The following WNT4 variants were observed in gnomAD, a reference collection of about 807,000 sequenced individuals.
WNT4 encodes protein Wnt-4.
Under a neutral mutation model 34.5 loss-of-function variants are expected in WNT4, and 16 were observed. The ratio of observed to expected loss-of-function variants is 0.46; its 90% CI spans 0.31 to 0.70. The LOEUF (loss-of-function observed/expected upper bound fraction) is 0.70. WNT4 is among the 30% of genes least tolerant of loss of function. WNT4 has a pLI of 0.04. For missense variants in WNT4, 379 were observed against 495.9 expected, an observed-to-expected ratio of 0.76 and a Z score of 2.24; for synonymous variants, 200 against 211.9, an observed-to-expected ratio of 0.94 and a Z score of 0.49.
chr1:22,140,719 G>A lies in WNT4; in HGVS notation c.77+2127C>T, dbSNP rs1282037051. ...CTCTGGTTTGGGAGGGTCCTGGGAA[G>A]CCTCTTGTTCCTCTTGCCTTGGGTG... On this transcript the variant is annotated intron_variant, in intron 1 of 4. Transcript: ENST00000290167. The surrounding 1 kb of genome is among the most constrained non-coding windows in gnomAD (Gnocchi z 5.9). Among the ~76,000 whole-genome samples, 1 of 152,220 alleles carries A rather than the reference G, an allele frequency of 6.6e-6. No individual in the cohort carries two copies. The highest frequency in any genetic ancestry group is 1.9e-4 in the East Asian group (1 of 5,202).
intron 2 of WNT4, among the ~76,000 whole-genome samples, chr1:22,128,809 T>A (rs1030653206): frequency 5.3e-5 from 8 of 151,954 alleles, no homozygotes; most frequent in African/African-American, 1.9e-4. Context: ...AAGCTCCGCC[T>A]CCTGGGTTCA....
intron 1 of WNT4, among the ~76,000 whole-genome samples, chr1:22,132,821 C>T (rs114569101): frequency 1.0e-3 from 152 of 152,230 alleles, no homozygotes; most frequent in African/African-American, 3.0e-3. Context: ...TGTCCCCTTC[C>T]GTACACACGA....
In WNT4 at chr1:22,142,938, G is replaced by A. The variant is rs1356413696; in HGVS notation, c.-16C>T. The A allele has an allele frequency of 4.5e-6, 5 of 1,115,896 alleles. No homozygotes were observed. Among genetic ancestry groups the A allele is most frequent in the East Asian group, 1.0e-4 (1 of 9,824 alleles). The allele number at this position is 1,115,896 out of a possible 1,614,324, so 69.1% of individuals were successfully genotyped here. A position where few individuals can be genotyped will look rare whatever the true frequency, so the allele number is the denominator to read the frequency against. On this transcript the variant is annotated 5_prime_UTR_variant, in exon 1 of 5. Transcript: ENST00000290167. This position sits in a 1 kb window ranked among gnomAD's most constrained non-coding sequence, Gnocchi z 6.0. ...GGGGACTCATGGTGCCGCCGCGGGC[G>A]CCCGGCCCGGGGCAGCGGCTGCGGC...
chr1:22,129,710 C>T lies in WNT4; in HGVS notation c.219G>A (p.Leu73=). 6.2e-7 allele frequency: 1 copy of T among 1,613,964 alleles called. No individual in the cohort carries two copies. Among genetic ancestry groups the T allele is most frequent in the South Asian group, 1.1e-5 (1 of 91,078 alleles). Residue 73 remains leucine, a synonymous_variant, in exon 2 of 5, where the codon CTG becomes CTA. Transcript: ENST00000290167. The part of the protein sequence containing the change: ...VMDSVRRGAQ[L]AIEECQYQFR... The stretch of plus-strand genomic sequence containing the variant: ...ACTGGTACTGGCACTCCTCAATGGC[C>T]AGCTGGGCACCGCGGCGCACCGAGT...
In WNT4 at chr1:22,121,321, C is replaced by T. The variant is rs1645896316; in HGVS notation, c.478G>A (p.Ala160Thr). Residue 160 changes from alanine (A) to threonine (T), a missense_variant, in exon 4 of 5, where the codon GCC becomes ACC. By Grantham distance (58) the Ala-to-Thr change is moderately conservative. Transcript: ENST00000290167. ...FQWSGCSDNI[A>T]YGVAFSQSFV... ...GACTGTGAGAAGGCCACACCGTAGGCGATGTTGTCAGAGCATCCTGACCAC... is the reference window on the plus strand; with the variant it reads ...GACTGTGAGAAGGCCACACCGTAGGTGATGTTGTCAGAGCATCCTGACCAC... 1.9e-6 allele frequency: 3 copies of T among 1,614,174 alleles called. No homozygotes were observed. The highest frequency in any genetic ancestry group is 1.7e-6 in the Non-Finnish European group (2 of 1,180,024).
At position 22,121,548 on chromosome 1, in the gene WNT4, G is replaced by T; in HGVS notation, c.342C>A (p.Ala114=). Residue 114 remains alanine, a synonymous_variant, in exon 3 of 5, where the codon GCC becomes GCA. Transcript: ENST00000290167. ...CAAAGGCCACACCTGCCGAAGAGATGGCGTACACGAAGGCCGCCTCCCGAG... is the reference window on the plus strand; with the variant it reads ...CAAAGGCCACACCTGCCGAAGAGATTGCGTACACGAAGGCCGCCTCCCGAG... The part of the protein sequence containing the change: ...QGTREAAFVY[A]ISSAGVAFAV... 1 of 1,613,820 alleles carries T rather than the reference G, an allele frequency of 6.2e-7. No homozygotes were observed. The highest frequency in any genetic ancestry group is 2.2e-5 in the East Asian group (1 of 44,870).
chr1:22,129,334 A>G (rs1386982900), intron 2 of WNT4, among the ~76,000 whole-genome samples: 1 of 152,202 alleles, frequency 6.6e-6, no homozygotes, highest in Non-Finnish European at 1.5e-5. Flanking sequence ...CGCTTCCAGG[A>G]GGCCAGCAGT....
chr1:22,127,327 A>G (rs1382567703), intron 2 of WNT4: 5 of 531,228 alleles, frequency 9.4e-6, no homozygotes, highest in African/African-American at 1.9e-5. Context: ...CCCAAAGGTA[A>G]GGAGGGCTTC....
intron 1 of WNT4, among the ~76,000 whole-genome samples, chr1:22,130,604 C>G (rs56387262): frequency 1.3e-5 from 2 of 152,316 alleles, no homozygotes; most frequent in Non-Finnish European, 2.9e-5. Flanking sequence ...ATAAAGGAAG[C>G]TGCACAAATT....
chr1:22,119,804 G>T lies in WNT4; in HGVS notation c.*246C>A, dbSNP rs571303723. ...GGTCAGTGGCAGCCACATGCGGGCA[G>T]CCAGCGGCACGAGCAAGGTCCCTTT... On this transcript the variant is annotated 3_prime_UTR_variant, in exon 5 of 5. Coordinates refer to ENST00000290167, the MANE Select transcript of WNT4 (RefSeq NM_030761.5). 1.7e-6 allele frequency: 1 copy of T among 584,856 alleles called. No homozygotes were observed. The highest frequency in any genetic ancestry group is 1.9e-5 in the African/African-American group (1 of 53,682). 36.2% of individuals were successfully genotyped at this position (584,856 alleles called of 1,614,324 possible).
chr1:22,132,827 C>T (rs566398666), intron 1 of WNT4, among the ~76,000 whole-genome samples: 15 of 152,230 alleles, frequency 9.9e-5, no homozygotes, highest in Admixed American at 7.2e-4. Flanking sequence ...CTTCCGTACA[C>T]ACGAGGCCCA....
At position 22,119,622 on chromosome 1, in the gene WNT4, C is replaced by G; in HGVS notation, c.*428G>C. ...GCTGGAGAGTTAAGAGTTCTTTTTTCCAGAGGGTGTGACTTCCATCAAGTC... is the reference window on the plus strand; with the variant it reads ...GCTGGAGAGTTAAGAGTTCTTTTTTGCAGAGGGTGTGACTTCCATCAAGTC... On this transcript the variant is annotated 3_prime_UTR_variant, in exon 5 of 5. Coordinates refer to ENST00000290167, the MANE Select transcript of WNT4 (RefSeq NM_030761.5). 7.5e-6 allele frequency: 2 copies of G among 265,800 alleles called. No individual in the cohort carries two copies. The highest frequency in any genetic ancestry group is 7.3e-6 in the Non-Finnish European group (1 of 137,840). The allele number at this position is 265,800 out of a possible 1,614,324, so 16.5% of individuals were successfully genotyped here.
At position 22,134,024 on chromosome 1, in the gene WNT4, C is replaced by T. The variant is rs771886631; in HGVS notation, c.78-4173G>A. On this transcript the variant is annotated intron_variant, in intron 1 of 4. Transcript: ENST00000290167. This position sits in a 1 kb window ranked among gnomAD's most constrained non-coding sequence, Gnocchi z 4.1. ...TCTGCACCTCTGCGACTCCTCCCAG[C>T]TCTTACGCTGTGAGTCAAGAGGAGA... 2.0e-5 allele frequency among the ~76,000 whole-genome samples: 3 copies of T among 152,208 alleles called. No individual in the cohort carries two copies. The highest frequency in any genetic ancestry group is 4.4e-5 in the Non-Finnish European group (3 of 68,052).
intron 2 of WNT4, among the ~76,000 whole-genome samples, chr1:22,123,742 G>A (rs531355293): frequency 9.2e-5 from 14 of 152,128 alleles, no homozygotes; most frequent in Non-Finnish European, 1.9e-4. Flanking sequence ...ACATTATTCT[G>A]CCTCCCAGAG....
chr1:22,141,975 C>T (rs1646071470), intron 1 of WNT4, among the ~76,000 whole-genome samples: 2 of 152,136 alleles, frequency 1.3e-5, no homozygotes, highest in African/African-American at 2.4e-5. Context: ...GGGTTAAGCG[C>T]GGGGCATGGG....
rs1420668480 is a variant in WNT4 at position 22,140,528 on chromosome 1, G to A, written c.77+2318C>T. Among the ~76,000 whole-genome samples, 1 of 152,320 alleles carries A rather than the reference G, an allele frequency of 6.6e-6. No homozygotes were observed. Among genetic ancestry groups the A allele is most frequent in the African/African-American group, 2.4e-5 (1 of 41,558 alleles). On this transcript the variant is annotated intron_variant, in intron 1 of 4. Coordinates refer to ENST00000290167, the MANE Select transcript of WNT4 (RefSeq NM_030761.5). The surrounding 1 kb of genome is among the most constrained non-coding windows in gnomAD (Gnocchi z 5.9). ...AGCATGTGCCCTGTTCCACCCAGTC[G>A]TGGTTTTATCATGTCTTTCTACCTA...
At chr1:22,130,158 G>C (rs1024421986) in intron 1 of WNT4, among the ~76,000 whole-genome samples, 1 of 152,210 alleles carries the variant, frequency 6.6e-6, no homozygotes, top group African/African-American at 2.4e-5. Context: ...CCGTGCCACT[G>C]TCTGTGCCAG....
In WNT4 at chr1:22,134,440, A is replaced by G. The variant is rs572322246; in HGVS notation, c.78-4589T>C. Among the ~76,000 whole-genome samples, 105 of 152,332 alleles carry G rather than the reference A, an allele frequency of 6.9e-4. 3 individuals carry two copies. The South Asian group carries it at 0.017, about 25-fold the overall frequency. Reference sequence around the variant, plus strand: ...CACTTTTACATCTTTGAATGTTTCTATAACCACAGTCTTGGTATCCTGCTG... The same window carrying G: ...CACTTTTACATCTTTGAATGTTTCTGTAACCACAGTCTTGGTATCCTGCTG... On this transcript the variant is annotated intron_variant, in intron 1 of 4. Coordinates refer to ENST00000290167, the MANE Select transcript of WNT4 (RefSeq NM_030761.5). This position sits in a 1 kb window ranked among gnomAD's most constrained non-coding sequence, Gnocchi z 4.1.
intron 2 of WNT4, among the ~76,000 whole-genome samples, chr1:22,126,764 G>C (rs1473058633): frequency 1.3e-5 from 2 of 152,270 alleles, no homozygotes; most frequent in Non-Finnish European, 2.9e-5. Flanking sequence ...AGCAGCTGGT[G>C]ACGGGAGGCG....
Sources: allele counts gnomAD v4.1 joint callset (sites outside exome capture counted in the v4.1 genomes callset), GRCh38; gene constraint gnomAD v4.1.1; non-coding constraint Gnocchi (gnomAD v3.1); transcripts MANE v1.5; gene names NCBI Gene and HGNC (gene_info 2026-07-23, HGNC 2026-07-21).